The following EHD2 variants were observed in gnomAD, a reference collection of about 807,000 sequenced individuals.
EHD2 encodes the protein EH domain-containing protein 2.
A neutral mutation model predicts 41.0 loss-of-function variants in EHD2; 27 were observed. The observed-to-expected ratio is 0.66, with a 90% CI of 0.49 to 0.91. The LOEUF is 0.91. Ranked by LOEUF, EHD2 falls within the 40% of genes least tolerant of loss-of-function variation. EHD2 has a pLI of 0.00. For missense variants in EHD2, 673 were observed against 773.9 expected, an observed-to-expected ratio of 0.87 and a Z score of 1.55; for synonymous variants, 342 against 341.0, an observed-to-expected ratio of 1.00 and a Z score of -0.03.
At chr19:47,731,279 A>AAAAATATATATATATGT in intron 4 of EHD2, 6 of 60,930 alleles carry the variant, frequency 9.8e-5, no homozygotes, top group Admixed American at 1.9e-4. Context: ...AAAAAAAAAA[A>AAAAATATATATATATGT]ATATATATAT....
intron 5 of EHD2, among the ~76,000 whole-genome samples, chr19:47,737,665 A>C (rs1966939334): frequency 6.6e-6 from 1 of 151,788 alleles, no homozygotes; most frequent in South Asian, 2.1e-4. Context: ...TCAATAAATA[A>C]ATAAATAAAA....
At chr19:47,729,162 A>T (rs1973782956) in intron 4 of EHD2, among the ~76,000 whole-genome samples, 3 of 152,074 alleles carry the variant, frequency 2.0e-5, no homozygotes, top group Admixed American at 6.6e-5. Context: ...CCGATGACCC[A>T]GTGTGGTCAG....
chr19:47,719,315 G>C lies in EHD2; in HGVS notation c.502+709G>C, dbSNP rs934318893. 1.3e-5 allele frequency among the ~76,000 whole-genome samples: 2 copies of C among 152,070 alleles called. No individual in the cohort carries two copies. Among genetic ancestry groups the C allele is most frequent in the Admixed American group, 6.5e-5 (1 of 15,276 alleles). On this transcript the variant is annotated intron_variant, in intron 3 of 5. Transcript: ENST00000263277. The surrounding 1 kb of genome is among the most constrained non-coding windows in gnomAD (Gnocchi z 4.1). ...CCGGGCAGGGGAGGCTGGGCCCTGC[G>C]AGCTCCTGGCTCTGCGTCTGGGCCA...
chr19:47,715,933 A>G (rs1973620238), intron 1 of EHD2, among the ~76,000 whole-genome samples: 1 of 151,798 alleles, frequency 6.6e-6, no homozygotes, highest in African/African-American at 2.4e-5. Context: ...AGGCCTGGCT[A>G]ATTTTTTGTA....
At chr19:47,740,809 T>C in intron 5 of EHD2, 72 bp from the exon 6 acceptor site, 1 of 1,526,966 alleles carries the variant, frequency 6.5e-7, no homozygotes, top group Non-Finnish European at 8.8e-7. Context: ...AGTGTCCTGA[T>C]ACCACCTTGC....
intron 3 of EHD2, among the ~76,000 whole-genome samples, chr19:47,723,395 C>A (rs1036054557): frequency 5.3e-5 from 8 of 152,142 alleles, no homozygotes; most frequent in Admixed American, 1.3e-4. Flanking sequence ...GGCTCAGTGG[C>A]TCATGCCTGT....
chr19:47,741,821 C>T lies in EHD2; in HGVS notation c.*389C>T, dbSNP rs1381349916. ...ATACATCTGCCCTCATGGAAGGTGA[C>T]GTTCCCAGGAGAGGGCACCTACACA... On this transcript the variant is annotated 3_prime_UTR_variant, in exon 6 of 6. Coordinates refer to ENST00000263277, the MANE Select transcript of EHD2 (RefSeq NM_014601.4). This position sits in a 1 kb window ranked among gnomAD's most constrained non-coding sequence, Gnocchi z 4.5. The T allele has an allele frequency of 6.3e-6, 3 of 476,888 alleles. No homozygotes were observed. The highest frequency in any genetic ancestry group is 2.0e-5 in the African/African-American group (1 of 51,138). The allele number at this position is 476,888 out of a possible 1,614,324, so 29.5% of individuals were successfully genotyped here. A position where few individuals can be genotyped will look rare whatever the true frequency, so the allele number is the denominator to read the frequency against.
In EHD2 at chr19:47,732,338, C is replaced by G. The variant is rs1469469099; in HGVS notation, c.916-4031C>G. The G allele has an allele frequency of 2.6e-5, 4 of 152,202 alleles. 1 individual carries two copies. Among genetic ancestry groups the G allele is most frequent in the Admixed American group, 2.6e-4 (4 of 15,276 alleles). 9.4% of individuals were successfully genotyped at this position (152,202 alleles called of 1,614,324 possible). On this transcript the variant is annotated intron_variant, in intron 4 of 5. Transcript: ENST00000263277. ...TTCACCATGTTGTCCAGGCTGGTCT[C>G]TAACTCCTGACCTCAGGTGATCGAC...
intron 1 of EHD2, among the ~76,000 whole-genome samples, chr19:47,714,913 C>T (rs1275179248): frequency 2.0e-5 from 3 of 151,936 alleles, no homozygotes; most frequent in Non-Finnish European, 4.4e-5. Flanking sequence ...TGGTGCATGC[C>T]TCTAGTCCCA....
chr19:47,741,833 AG>A lies in EHD2; in HGVS notation c.*404del, dbSNP rs1475592288. On this transcript the variant is annotated 3_prime_UTR_variant, in exon 6 of 6. Coordinates refer to ENST00000263277, the MANE Select transcript of EHD2 (RefSeq NM_014601.4). This position sits in a 1 kb window ranked among gnomAD's most constrained non-coding sequence, Gnocchi z 4.5. ...TCATGGAAGGTGACGTTCCCAGGAG[AG>A]GGCACCTACACAGTCACGCAAACAC... 4.2e-6 allele frequency: 2 copies of A among 471,650 alleles called. No individual in the cohort carries two copies. The highest frequency in any genetic ancestry group is 8.4e-6 in the Non-Finnish European group (2 of 237,654). 29.2% of individuals were successfully genotyped at this position (471,650 alleles called of 1,614,324 possible). A position where few individuals can be genotyped will look rare whatever the true frequency, so the allele number is the denominator to read the frequency against.
chr19:47,741,353 A>G lies in EHD2; in HGVS notation c.1553A>G (p.Glu518Gly), dbSNP rs780093668. 1.9e-6 allele frequency: 3 copies of G among 1,610,532 alleles called. No homozygotes were observed. Among genetic ancestry groups the G allele is most frequent in the Non-Finnish European group, 2.5e-6 (3 of 1,179,688 alleles). Residue 518 changes from glutamate to glycine, a missense_variant, in exon 6 of 6, where the codon GAA becomes GGA. Transcript: ENST00000263277. This position sits in a 1 kb window ranked among gnomAD's most constrained non-coding sequence, Gnocchi z 4.5. ...AGCCACCTCATCGAGGCCAAGCTGG[A>G]AGGCCACGGGCTGCCCGCCAACCTG... is the stretch of plus-strand genomic sequence containing the variant. The part of the protein sequence containing the change: ...LASHLIEAKL[E>G]GHGLPANLPR...
At chr19:47,739,734 C>T (rs951239376) in intron 5 of EHD2, among the ~76,000 whole-genome samples, 11 of 151,338 alleles carry the variant, frequency 7.3e-5, no homozygotes, top group Non-Finnish European at 1.5e-4. Context: ...AAGTGTGAGC[C>T]ACCCAAGCCT....
Position 47,716,853 on chromosome 19 carries a change from C to T in EHD2, c.241C>T (p.Gln81Ter). 6.2e-7 allele frequency: 1 copy of T among 1,610,388 alleles called. No individual in the cohort carries two copies. Among genetic ancestry groups the T allele is most frequent in the Non-Finnish European group, 8.5e-7 (1 of 1,178,296 alleles). ...KTSFIQYLLE[Q>*]EVPGSRVGPE... Reference sequence around the variant, plus strand: ...CAGCTTCATCCAGTACCTGCTGGAGCAGGAGGTGCCCGGCTCCCGCGTGGG... The same window carrying T: ...CAGCTTCATCCAGTACCTGCTGGAGTAGGAGGTGCCCGGCTCCCGCGTGGG... The change falls in exon 2 of 6, where the codon CAG (glutamine) becomes TAG (stop). Residue 81 changes from glutamine to a stop codon, truncating the protein, a stop_gained. Transcript: ENST00000263277. LOFTEE classifies it high-confidence loss of function.
Position 47,717,429 on chromosome 19 carries a change from TCTC to T in EHD2, c.404+414_404+416del, listed in dbSNP as rs904960707. On this transcript the variant is annotated intron_variant, in intron 2 of 5. Coordinates refer to ENST00000263277, the MANE Select transcript of EHD2 (RefSeq NM_014601.4). Reference sequence around the variant, plus strand: ...CCCTCCCTGACTGTGTTTCCCTCCTTCTCAGCCCCAATTCCCTTCTCTCTACCC... The same window carrying T: ...CCCTCCCTGACTGTGTTTCCCTCCTTAGCCCCAATTCCCTTCTCTCTACCC... 3.3e-5 allele frequency among the ~76,000 whole-genome samples: 5 copies of T among 152,272 alleles called. No homozygotes were observed. In the East Asian group the frequency reaches 7.7e-4, roughly 24 times the overall value.
At chr19:47,731,998 AG>A (rs1394554572) in intron 4 of EHD2, 3 of 151,968 alleles carry the variant, frequency 2.0e-5, no homozygotes, top group African/African-American at 7.3e-5. Flanking sequence ...TGTGTTAGCC[AG>A]GATGGTCTCG....
chr19:47,718,487 C>T lies in EHD2; in HGVS notation c.405-22C>T, dbSNP rs948385539. 40 of 1,557,460 alleles carry T rather than the reference C, an allele frequency of 2.6e-5. No homozygotes were observed. In the Admixed American group the frequency reaches 7.7e-4, roughly 30 times the overall value. ...TCCTTCTGTCCTTCCCTGTTGACCCCTGACCCTCCCTCTGCCCCCAGGTTC... is the reference window on the plus strand; with the variant it reads ...TCCTTCTGTCCTTCCCTGTTGACCCTTGACCCTCCCTCTGCCCCCAGGTTC... On this transcript the variant is annotated intron_variant, in intron 2 of 5. Transcript: ENST00000263277.
rs755011408 is a variant in EHD2 at position 47,726,141 on chromosome 19, C to T, written c.832C>T (p.Leu278Phe). ...RRLFELEEQD[L>F]FRDIQGLPRH... The stretch of plus-strand genomic sequence containing the variant: ...CCTCTTCGAGCTGGAGGAGCAGGAC[C>T]TCTTCCGCGACATCCAGGGCCTGCC... Residue 278 changes from leucine to phenylalanine, a missense_variant, in exon 4 of 6, where the codon CTC (leucine) becomes TTC (phenylalanine). Leu to Phe is a conservative substitution (Grantham distance 22). Transcript: ENST00000263277. 5 of 1,582,324 alleles carry T rather than the reference C, an allele frequency of 3.2e-6. No individual in the cohort carries two copies. Among genetic ancestry groups the T allele is most frequent in the Non-Finnish European group, 4.3e-6 (5 of 1,165,308 alleles).
At chr19:47,727,230 G>C (rs1599894713) in intron 4 of EHD2, among the ~76,000 whole-genome samples, 1 of 151,838 alleles carries the variant, frequency 6.6e-6, no homozygotes, top group Non-Finnish European at 1.5e-5. Context: ...TCAGCCTCCC[G>C]AGTAGCTGGG....
intron 1 of EHD2, among the ~76,000 whole-genome samples, chr19:47,715,420 A>C (rs1973615222): frequency 6.6e-6 from 1 of 152,028 alleles, no homozygotes; most frequent in Non-Finnish European, 1.5e-5. Flanking sequence ...GCAGCTCAAA[A>C]GTCAACCCTG....
Sources: allele counts gnomAD v4.1 joint callset (sites outside exome capture counted in the v4.1 genomes callset), GRCh38; gene constraint gnomAD v4.1.1; non-coding constraint Gnocchi (gnomAD v3.1); transcripts MANE v1.5; gene names NCBI Gene and HGNC (gene_info 2026-07-23, HGNC 2026-07-21).